CYP7B1: variants seen among roughly 807,000 people sequenced by gnomAD.
The protein encoded by CYP7B1 is cytochrome P450 family 7 subfamily B member 1.
CYP7B1 carries 29 observed loss-of-function variants against 42.7 expected under a neutral mutation model. The observed-to-expected ratio is 0.68, with a 90% CI of 0.51 to 0.93. The LOEUF (loss-of-function observed/expected upper bound fraction) is 0.93. CYP7B1 is among the 40% of genes least tolerant of loss of function. The pLI is 0.00. For missense variants in CYP7B1, 655 were observed against 600.5 expected (o/e 1.09, Z -0.95); for synonymous variants, 235 against 218.2 (o/e 1.08, Z -0.68).
chr8:64,764,025 C>T (rs1021822370), intron 1 of CYP7B1, among the ~76,000 whole-genome samples: 4 of 152,034 alleles, frequency 2.6e-5, no homozygotes, highest in Non-Finnish European at 5.9e-5. Flanking sequence ...ACACTGTGTC[C>T]TTAGGCATCT....
intron 1 of CYP7B1, among the ~76,000 whole-genome samples, chr8:64,742,277 G>A (rs1807581289): frequency 1.3e-5 from 2 of 152,104 alleles, no homozygotes; most frequent in South Asian, 4.1e-4. Flanking sequence ...ATTTCCAAGT[G>A]TAATAGAATG....
At position 64,685,942 on chromosome 8, in the gene CYP7B1, C is replaced by T. The variant is rs1439002014; in HGVS notation, c.123-61403G>A. ...GGGAGGTGGGGGGGTCAGCCCCCCG[C>T]CCGGCCAGCCGCCCCTTCCGGGAGG... On this transcript the variant is annotated intron_variant, in intron 1 of 5. Coordinates refer to ENST00000310193, the MANE Select transcript of CYP7B1 (RefSeq NM_004820.5). Among the ~76,000 whole-genome samples the T allele has an allele frequency of 5.8e-5, 2 of 34,278 alleles. 1 individual carries two copies. Among genetic ancestry groups the T allele is most frequent in the Admixed American group, 4.3e-4 (2 of 4,622 alleles). The allele number at this position is 34,278 out of a possible 152,430, so 22.5% of individuals were successfully genotyped here. A position where few individuals can be genotyped will look rare whatever the true frequency, so the allele number is the denominator to read the frequency against.
At chr8:64,720,054 G>C (rs1807214699) in intron 1 of CYP7B1, among the ~76,000 whole-genome samples, 1 of 152,094 alleles carries the variant, frequency 6.6e-6, no homozygotes, top group African/African-American at 2.4e-5. Flanking sequence ...ATTCGCAATG[G>C]TGTCCCTTTT....
At position 64,752,503 on chromosome 8, in the gene CYP7B1, C is replaced by T. The variant is rs532824955; in HGVS notation, c.122+45963G>A. Among the ~76,000 whole-genome samples, 5 of 152,014 alleles carry T rather than the reference C, an allele frequency of 3.3e-5. No individual in the cohort carries two copies. The South Asian group carries it at 6.2e-4, about 19-fold the overall frequency. ...CTCTCCGATGTATCTCTGCCACCCA[C>T]GGAGTTCTAATGACTTTAAAATATG... On this transcript the variant is annotated intron_variant, in intron 1 of 5. Transcript: ENST00000310193.
chr8:64,798,639 G>A lies in CYP7B1; in HGVS notation c.-52C>T, dbSNP rs1392852440. 2.1e-6 allele frequency: 3 copies of A among 1,439,512 alleles called. No homozygotes were observed. Among genetic ancestry groups the A allele is most frequent in the Non-Finnish European group, 2.7e-6 (3 of 1,105,062 alleles). The allele number at this position is 1,439,512 out of a possible 1,614,324, so 89.2% of individuals were successfully genotyped here. A position where few individuals can be genotyped will look rare whatever the true frequency, so the allele number is the denominator to read the frequency against. ...AGCCCGGGGTCTGCCTGCGAACAGC[G>A]CGGTCGGCGACTCTGCAGCCTGCGG... On this transcript the variant is annotated 5_prime_UTR_variant, in exon 1 of 6. Transcript: ENST00000310193.
chr8:64,630,495 T>G (rs1805673051), intron 1 of CYP7B1, among the ~76,000 whole-genome samples: 1 of 152,234 alleles, frequency 6.6e-6, no homozygotes, highest in African/African-American at 2.4e-5. Flanking sequence ...AGTTTTTCCT[T>G]GCTATTCATA....
intron 1 of CYP7B1, among the ~76,000 whole-genome samples, chr8:64,698,935 T>C (rs766746080): frequency 5.3e-4 from 80 of 152,296 alleles, no homozygotes; most frequent in Non-Finnish European, 9.6e-4. Flanking sequence ...GTTCTTAATA[T>C]TGCAAACACT....
chr8:64,643,458 T>C (rs1049106439), intron 1 of CYP7B1, among the ~76,000 whole-genome samples: 1 of 152,206 alleles, frequency 6.6e-6, no homozygotes, highest in African/African-American at 2.4e-5. Context: ...TCTGTGCCTT[T>C]GGCAAGTCAC....
At chr8:64,677,706 GTTTTTTTT>G (rs11435388) in intron 1 of CYP7B1, among the ~76,000 whole-genome samples, 1 of 86,400 alleles carries the variant, frequency 1.2e-5, no homozygotes, top group Non-Finnish European at 2.1e-5. Context: ...ACACTCCTTG[GTTTTTTTT>G]TTTTTTTTTT....
intron 1 of CYP7B1, among the ~76,000 whole-genome samples, chr8:64,699,590 A>G (rs1273339281): frequency 1.3e-5 from 2 of 152,108 alleles, no homozygotes; most frequent in African/African-American, 4.8e-5. Context: ...TATTTTTTGC[A>G]TATTTTTGAA....
At chr8:64,643,499 G>A (rs951870092) in intron 1 of CYP7B1, among the ~76,000 whole-genome samples, 3 of 152,154 alleles carry the variant, frequency 2.0e-5, no homozygotes, top group Non-Finnish European at 2.9e-5. Flanking sequence ...GTCTTGCCTC[G>A]ATGTTGATGA....
intron 1 of CYP7B1, among the ~76,000 whole-genome samples, chr8:64,719,793 C>A (rs147691092): frequency 6.6e-6 from 1 of 152,174 alleles, no homozygotes; most frequent in South Asian, 2.1e-4. Context: ...AATAAACTTT[C>A]TCAAAGGGTA....
At chr8:64,671,097 TATATA>T (rs749977345) in intron 1 of CYP7B1, among the ~76,000 whole-genome samples, 108 of 152,108 alleles carry the variant, frequency 7.1e-4, no homozygotes, top group Non-Finnish European at 1.4e-3. Flanking sequence ...CCCCCATGTA[TATATA>T]AAATAAGTGC....
chr8:64,599,097 G>A (rs1353000774), intron 5 of CYP7B1, among the ~76,000 whole-genome samples: 1 of 152,142 alleles, frequency 6.6e-6, no homozygotes, highest in African/African-American at 2.4e-5. Context: ...GGGTCACAGT[G>A]ACACAGAACA....
At chr8:64,607,221 G>T (rs1488686626) in intron 4 of CYP7B1, among the ~76,000 whole-genome samples, 1 of 152,046 alleles carries the variant, frequency 6.6e-6, no homozygotes, top group African/African-American at 2.4e-5. Flanking sequence ...CTTTGTGCAA[G>T]CACTCCATGA....
intron 1 of CYP7B1, among the ~76,000 whole-genome samples, chr8:64,725,537 T>C (rs1399733418): frequency 2.0e-5 from 3 of 152,188 alleles, no homozygotes; most frequent in Admixed American, 6.5e-5. Flanking sequence ...ACTCTTGCCC[T>C]AGGGTTTCAG....
In CYP7B1 at chr8:64,604,839, G is replaced by C; in HGVS notation, c.1076C>G (p.Ala359Gly). 1 of 1,613,984 alleles carries C rather than the reference G, an allele frequency of 6.2e-7. No homozygotes were observed. The highest frequency in any genetic ancestry group is 1.1e-5 in the South Asian group (1 of 91,078). The change falls in exon 5 of 6, where the codon GCT (alanine) becomes GGT (glycine). Residue 359 changes from alanine to glycine, a missense_variant. Coordinates refer to ENST00000310193, the MANE Select transcript of CYP7B1 (RefSeq NM_004820.5). ...GGTTGAATATGAGGACAGTCGTAAA[G>C]CTTCAAAAATGCTGCTTTCTGAAGG... ...LICLESSIFE[A>G]LRLSSYSTTI...
intron 1 of CYP7B1, among the ~76,000 whole-genome samples, chr8:64,684,175 T>C (rs556141900): frequency 4.6e-5 from 7 of 152,338 alleles, no homozygotes; most frequent in African/African-American, 1.7e-4. Flanking sequence ...GTTAAATGAA[T>C]GCATGGTTGG....
At chr8:64,707,821 C>T (rs1029123164) in intron 1 of CYP7B1, among the ~76,000 whole-genome samples, 1 of 151,960 alleles carries the variant, frequency 6.6e-6, no homozygotes, top group East Asian at 1.9e-4. Flanking sequence ...GGAAATTATA[C>T]ATAGGAAATA....
Sources: allele counts gnomAD v4.1 joint callset (sites outside exome capture counted in the v4.1 genomes callset), GRCh38; gene constraint gnomAD v4.1.1; transcripts MANE v1.5; gene names NCBI Gene and HGNC (gene_info 2026-07-23, HGNC 2026-07-21).